The following RABGAP1L variants were observed in gnomAD, a reference collection of about 807,000 sequenced individuals.
RABGAP1L encodes rab GTPase-activating protein 1-like.
A neutral mutation model predicts 137.7 loss-of-function variants in RABGAP1L; 63 were observed. The ratio of observed to expected loss-of-function variants is 0.46; its 90% confidence interval spans 0.37 to 0.56. The LOEUF is 0.56. Ranked by LOEUF, RABGAP1L falls within the 20% of genes least tolerant of loss-of-function variation. The pLI is 0.00. For synonymous variants in RABGAP1L, 431 were observed against 433.7 expected (o/e 0.99, Z 0.08); for missense variants, 1,095 against 1,244.0 (o/e 0.88, Z 1.80).
intron 18 of RABGAP1L, among the ~76,000 whole-genome samples, chr1:174,808,455 A>G (rs1689546784): frequency 2.0e-5 from 3 of 152,132 alleles, no homozygotes; most frequent in Admixed American, 2.0e-4. Flanking sequence ...CCCTGTCTCA[A>G]AAAACAAACA....
At chr1:174,468,652 C>A (rs1657567120) in intron 13 of RABGAP1L, among the ~76,000 whole-genome samples, 4 of 152,082 alleles carry the variant, frequency 2.6e-5, no homozygotes, top group African/African-American at 9.7e-5. Context: ...CATTATATCC[C>A]TAAAGATAAA....
At chr1:174,302,794 T>A (rs1445840849) in intron 10 of RABGAP1L, among the ~76,000 whole-genome samples, 3 of 152,206 alleles carry the variant, frequency 2.0e-5, no homozygotes, top group African/African-American at 7.2e-5. Context: ...TTTGAGTGCC[T>A]TGACATTCCT....
chr1:174,324,422 G>A (rs547377266), intron 11 of RABGAP1L, among the ~76,000 whole-genome samples: 15 of 152,128 alleles, frequency 9.9e-5, no homozygotes, highest in Admixed American at 5.2e-4. Context: ...GGAAACACAG[G>A]GGGGAGGAAG....
intron 17 of RABGAP1L, among the ~76,000 whole-genome samples, chr1:174,742,247 G>A (rs1173355937): frequency 1.3e-5 from 2 of 151,870 alleles, no homozygotes; most frequent in East Asian, 1.9e-4. Flanking sequence ...GGCCAGATGC[G>A]GTGGCTCAGC....
At chr1:174,843,384 C>T (rs1025034383) in intron 19 of RABGAP1L, among the ~76,000 whole-genome samples, 2 of 151,426 alleles carry the variant, frequency 1.3e-5, no homozygotes, top group African/African-American at 2.4e-5. Context: ...CCTCTCCCCC[C>T]ACCCCACAAC....
chr1:174,339,117 A>G (rs1681737729), intron 11 of RABGAP1L, among the ~76,000 whole-genome samples: 3 of 152,236 alleles, frequency 2.0e-5, no homozygotes, highest in African/African-American at 4.8e-5. Flanking sequence ...TAGTGCTTCA[A>G]AATAAACAGT....
At chr1:174,919,465 A>G (rs1019908379) in intron 19 of RABGAP1L, among the ~76,000 whole-genome samples, 3 of 152,226 alleles carry the variant, frequency 2.0e-5, no homozygotes, top group Admixed American at 1.3e-4. Context: ...AATGTCTTAC[A>G]TGGCAGCTCA....
chr1:174,240,938 TTGTGTGTGTG>T, intron 4 of RABGAP1L, among the ~76,000 whole-genome samples: 1 of 150,682 alleles, frequency 6.6e-6, no homozygotes, highest in East Asian at 2.0e-4. Flanking sequence ...ATGTGTGTGT[TTGTGTGTGTG>T]TGTGTGTGTG....
At chr1:174,758,422 AT>A (rs1214537583) in intron 18 of RABGAP1L, among the ~76,000 whole-genome samples, 12 of 151,214 alleles carry the variant, frequency 7.9e-5, no homozygotes, top group Admixed American at 5.9e-4. Flanking sequence ...ATTTATTTTT[AT>A]TTTTTTTAAT....
intron 14 of RABGAP1L, among the ~76,000 whole-genome samples, chr1:174,651,759 A>G (rs1420797712): frequency 6.6e-6 from 1 of 152,190 alleles, no homozygotes; most frequent in Admixed American, 6.5e-5. Flanking sequence ...TCTTGAATAC[A>G]GCACACTGAT....
chr1:174,835,169 A>C (rs1692611323), intron 19 of RABGAP1L, among the ~76,000 whole-genome samples: 1 of 152,208 alleles, frequency 6.6e-6, no homozygotes, highest in Admixed American at 6.5e-5. Context: ...ACCTGACTTG[A>C]AAAACTGCTT....
intron 10 of RABGAP1L, among the ~76,000 whole-genome samples, chr1:174,291,661 A>G (rs1460694200): frequency 6.6e-6 from 1 of 152,110 alleles, no homozygotes; most frequent in Non-Finnish European, 1.5e-5. Context: ...TCCACTTATT[A>G]TTTTTTAAAT....
chr1:174,281,319 A>C (rs1349177125), intron 10 of RABGAP1L, among the ~76,000 whole-genome samples: 2 of 152,074 alleles, frequency 1.3e-5, no homozygotes, highest in Non-Finnish European at 1.5e-5. Flanking sequence ...TGATTGGTCC[A>C]TTTTACAGAG....
intron 13 of RABGAP1L, among the ~76,000 whole-genome samples, chr1:174,555,993 C>CTTTTTTT (rs367653521): frequency 8.7e-6 from 1 of 115,468 alleles, no homozygotes; most frequent in Non-Finnish European, 1.8e-5. Context: ...GTTCGTTTGC[C>CTTTTTTT]TTTTTTTTTT....
At chr1:174,881,492 C>CTTTTTTTTTT (rs751296977) in intron 19 of RABGAP1L, among the ~76,000 whole-genome samples, 2 of 85,864 alleles carry the variant, frequency 2.3e-5, no homozygotes, top group African/African-American at 9.6e-5. Flanking sequence ...ATATCATTTG[C>CTTTTTTTTTT]TTTTTTTTTT....
Position 174,603,850 on chromosome 1 carries a change from A to G in RABGAP1L, c.1711-33525A>G, listed in dbSNP as rs556656579. Among the ~76,000 whole-genome samples the G allele has an allele frequency of 4.6e-5, 7 of 152,128 alleles. No homozygotes were observed. In the East Asian group the frequency reaches 1.4e-3, roughly 30 times the overall value. ...GTGTCTAGAAATGTCATCCCGAGCT[A>G]GATCCTGGGATGTGGGCCTCAGGAC... On this transcript the variant is annotated intron_variant, in intron 13 of 25. Coordinates refer to ENST00000681986, the MANE Select transcript of RABGAP1L (RefSeq NM_001366446.1).
chr1:174,957,769 G>T (rs571363229), intron 20 of RABGAP1L: 27 of 793,604 alleles, frequency 3.4e-5, no homozygotes, highest in Non-Finnish European at 5.0e-5. Flanking sequence ...GTTGTGGCAA[G>T]TTCAATTCCC....
At chr1:174,915,518 G>A (rs1291464751) in intron 19 of RABGAP1L, among the ~76,000 whole-genome samples, 4 of 152,146 alleles carry the variant, frequency 2.6e-5, no homozygotes, top group South Asian at 2.1e-4. Flanking sequence ...ATGCAGTGGC[G>A]TGATCTCAGC....
At chr1:174,179,064 G>A (rs1666130826) in intron 1 of RABGAP1L, among the ~76,000 whole-genome samples, 1 of 152,090 alleles carries the variant, frequency 6.6e-6, no homozygotes, top group Non-Finnish European at 1.5e-5. Context: ...AGGCTGTTAA[G>A]CTAGTTTTTT....
Sources: gnomAD v4.1 joint callset for allele counts (sites outside exome capture counted in the v4.1 genomes callset) on GRCh38, gnomAD v4.1.1 for gene constraint, MANE v1.5 for transcripts, NCBI Gene and HGNC (gene_info 2026-07-23, HGNC 2026-07-21) for gene names.